The following RALGAPB variants were observed in gnomAD, a reference collection of about 807,000 sequenced individuals.
RALGAPB encodes the protein Ral GTPase activating protein non-catalytic subunit beta, also known as ral GTPase-activating protein subunit beta.
A neutral mutation model predicts 161.1 loss-of-function variants in RALGAPB; 25 were observed. The ratio of observed to expected loss-of-function variants is 0.16; its 90% CI spans 0.11 to 0.22. The LOEUF is 0.22. RALGAPB is among the 10% of genes least tolerant of loss of function. The pLI is 1.00. For synonymous variants in RALGAPB, 629 were observed against 626.1 expected (o/e 1.00, Z -0.07); for missense variants, 1,391 against 1,815.2 (o/e 0.77, Z 4.25).
chr20:38,573,891 A>T lies in RALGAPB; in HGVS notation c.4143-259A>T, dbSNP rs185226458. 29 of 257,000 alleles carry T rather than the reference A, an allele frequency of 1.1e-4. No individual in the cohort carries two copies. In the Admixed American group the frequency reaches 1.5e-3, roughly 13 times the overall value. The allele number at this position is 257,000 out of a possible 1,614,324, so 15.9% of individuals were successfully genotyped here. A position where few individuals can be genotyped will look rare whatever the true frequency, so the allele number is the denominator to read the frequency against. Reference sequence around the variant, plus strand: ...GTCCCTATTGGTTTTCCAAGCATATATATTTTTTCAGCTCCTTTCTGTTAG... The same window carrying T: ...GTCCCTATTGGTTTTCCAAGCATATTTATTTTTTCAGCTCCTTTCTGTTAG... On this transcript the variant is annotated intron_variant, in intron 28 of 29. Transcript: ENST00000262879.
intron 16 of RALGAPB, 90 bp from the exon 17 acceptor site, chr20:38,539,686 T>A (rs781543816): frequency 8.0e-7 from 1 of 1,256,300 alleles, no homozygotes; most frequent in Non-Finnish European, 1.1e-6. Flanking sequence ...TATGACATTG[T>A]CAAATAGGTC....
chr20:38,554,858 AC>A (rs1273215443), intron 22 of RALGAPB, among the ~76,000 whole-genome samples: 8 of 152,206 alleles, frequency 5.3e-5, no homozygotes, highest in African/African-American at 1.9e-4. Context: ...CAGGAGGATC[AC>A]ATGAGGCCAG....
At chr20:38,501,945 C>G (rs2085608475) in intron 5 of RALGAPB, among the ~76,000 whole-genome samples, 1 of 152,056 alleles carries the variant, frequency 6.6e-6, no homozygotes, top group African/African-American at 2.4e-5. Context: ...GTATCATTTA[C>G]TACCATAAAA....
intron 23 of RALGAPB, 52 bp downstream of exon 23, chr20:38,558,505 C>A (rs373078695): frequency 5.1e-6 from 7 of 1,368,204 alleles, no homozygotes; most frequent in South Asian, 1.7e-5. Context: ...TATAAATACA[C>A]GTCTAAAGAA....
intron 23 of RALGAPB, among the ~76,000 whole-genome samples, chr20:38,558,983 TAAG>T (rs750419217): frequency 5.3e-5 from 8 of 152,194 alleles, no homozygotes; most frequent in Non-Finnish European, 1.2e-4. Context: ...TTGTCTATGG[TAAG>T]AAGTATTTTG....
At chr20:38,554,716 G>A (rs556348537) in intron 22 of RALGAPB, among the ~76,000 whole-genome samples, 1 of 152,286 alleles carries the variant, frequency 6.6e-6, no homozygotes, top group South Asian at 2.1e-4. Context: ...ACTTGGTATA[G>A]TACTTAGCAC....
intron 5 of RALGAPB, among the ~76,000 whole-genome samples, chr20:38,504,051 A>G (rs372230756): frequency 2.0e-5 from 3 of 152,326 alleles, no homozygotes; most frequent in Non-Finnish European, 2.9e-5. Flanking sequence ...TACCAGTGCC[A>G]TTTTTTCACA....
intron 5 of RALGAPB, among the ~76,000 whole-genome samples, chr20:38,506,435 A>G (rs1446124352): frequency 7.9e-5 from 12 of 152,050 alleles, no homozygotes; most frequent in Non-Finnish European, 1.8e-4. Context: ...CTGGAACTGC[A>G]GGCGTGCACC....
chr20:38,568,430 A>G (rs1005683054), intron 26 of RALGAPB: 1 of 152,200 alleles, frequency 6.6e-6, no homozygotes. Context: ...CATTATACTT[A>G]TACATTGTAC....
intron 1 of RALGAPB, among the ~76,000 whole-genome samples, chr20:38,481,421 G>A (rs2084967711): frequency 6.6e-6 from 1 of 152,206 alleles, no homozygotes; most frequent in Admixed American, 6.5e-5. Flanking sequence ...AATCATGGCA[G>A]AAGGCAAGGA....
chr20:38,493,863 G>T (rs2085342144), intron 3 of RALGAPB, among the ~76,000 whole-genome samples: 1 of 152,206 alleles, frequency 6.6e-6, no homozygotes, highest in Non-Finnish European at 1.5e-5. Context: ...GCCTGGTGTA[G>T]TCTGGCCCCT....
At chr20:38,554,323 C>G (rs1367787936) in intron 22 of RALGAPB, among the ~76,000 whole-genome samples, 1 of 151,900 alleles carries the variant, frequency 6.6e-6, no homozygotes, top group Non-Finnish European at 1.5e-5. Flanking sequence ...ACATCTAACT[C>G]TGAATTTTCC....
At chr20:38,567,724 G>A (rs963102880) in intron 26 of RALGAPB, among the ~76,000 whole-genome samples, 8 of 152,112 alleles carry the variant, frequency 5.3e-5, no homozygotes, top group Non-Finnish European at 4.4e-5. Flanking sequence ...ATCAGCAAAT[G>A]TTACTTTATC....
At chr20:38,553,322 C>T (rs2087442490) in intron 21 of RALGAPB, among the ~76,000 whole-genome samples, 1 of 152,118 alleles carries the variant, frequency 6.6e-6, no homozygotes. Context: ...TCTAAGAGTA[C>T]AGTCATGTCA....
intron 1 of RALGAPB, among the ~76,000 whole-genome samples, chr20:38,478,001 T>A (rs141603561): frequency 1.3e-5 from 2 of 152,272 alleles, no homozygotes; most frequent in Non-Finnish European, 2.9e-5. Context: ...GACACACACC[T>A]GTGGTCTGTT....
chr20:38,566,036 C>T (rs992191821), intron 25 of RALGAPB, among the ~76,000 whole-genome samples: 2 of 152,176 alleles, frequency 1.3e-5, no homozygotes, highest in Non-Finnish European at 2.9e-5. Context: ...GCAAATTAAG[C>T]CTGTTTGTTC....
intron 18 of RALGAPB, among the ~76,000 whole-genome samples, chr20:38,544,022 GT>G (rs1162710441): frequency 6.6e-6 from 1 of 151,968 alleles, no homozygotes; most frequent in Non-Finnish European, 1.5e-5. Flanking sequence ...AGCTGGTTAG[GT>G]TTTTTTTCCT....
intron 1 of RALGAPB, among the ~76,000 whole-genome samples, chr20:38,486,541 T>C (rs2085121442): frequency 6.6e-6 from 1 of 152,176 alleles, no homozygotes; most frequent in Non-Finnish European, 1.5e-5. Flanking sequence ...TTTTTCTGAA[T>C]GGGGTCTAGG....
chr20:38,517,249 T>C (rs2086153705), intron 7 of RALGAPB, among the ~76,000 whole-genome samples: 1 of 152,204 alleles, frequency 6.6e-6, no homozygotes, highest in Non-Finnish European at 1.5e-5. Context: ...CCAACTTCTT[T>C]ATGGTCAAAA....
Sources: allele counts gnomAD v4.1 joint callset (sites outside exome capture counted in the v4.1 genomes callset), GRCh38; gene constraint gnomAD v4.1.1; transcripts MANE v1.5; gene names NCBI Gene and HGNC (gene_info 2026-07-23, HGNC 2026-07-21).